Variants in ZNF208 observed in about 807,000 individuals in gnomAD.
The protein encoded by ZNF208 is zinc finger protein 95.
Under a neutral mutation model 12.1 loss-of-function variants are expected in ZNF208, and 10 were observed. The ratio of observed to expected loss-of-function variants is 0.83; its 90% CI spans 0.51 to 1.40. The LOEUF is 1.40. Among genes scored for constraint, ZNF208 ranks in the 40% most tolerant of loss-of-function variants. The pLI, the probability that ZNF208 is intolerant of heterozygous loss-of-function variation, is 0.00. For synonymous variants in ZNF208, 497 were observed against 488.4 expected, an observed-to-expected ratio of 1.02 and a Z score of -0.23; for missense variants, 1,652 against 1,485.0, an observed-to-expected ratio of 1.11 and a Z score of -1.85.
chr19:22,002,115 A>G (rs1010588154), intron 1 of ZNF208, among the ~76,000 whole-genome samples: 1 of 152,120 alleles, frequency 6.6e-6, no homozygotes, highest in African/African-American at 2.4e-5. Context: ...TTATCTCAAT[A>G]GATGCACAAA....
chr19:21,961,134 G>A (rs1970060529), downstream of ZNF208, among the ~76,000 whole-genome samples: 1 of 152,148 alleles, frequency 6.6e-6, no homozygotes, highest in African/African-American at 2.4e-5. Context: ...TTCAACATAG[G>A]TTCTTTCTAT....
In ZNF208 at chr19:21,973,034, C is replaced by T. The variant is rs1432855442; in HGVS notation, c.2000G>A (p.Cys667Tyr). ...ACTAAAGGCTTTGCCACATTCTTTA[C>T]ATTTGTAGGGCTTCTCTCCAGCATG... ...AIHAGEKPYK[C>Y]KECGKAFSKF... Residue 667 changes from cysteine (C) to tyrosine (Y), a missense_variant, in exon 4 of 4, where the codon TGT (cysteine) becomes TAT (tyrosine). Cys to Tyr is a radical substitution (Grantham distance 194, BLOSUM62 -2). Transcript: ENST00000397126. The T allele has an allele frequency of 6.2e-7, 1 of 1,613,386 alleles. No individual in the cohort carries two copies. The highest frequency in any genetic ancestry group is 1.3e-5 in the African/African-American group (1 of 74,848).
chr19:21,974,846 A>C (rs1224306057), intron 3 of ZNF208, 39 bp from the exon 4 acceptor site: 1 of 1,484,006 alleles, frequency 6.7e-7, no homozygotes, highest in East Asian at 2.4e-5. Context: ...CCTACTTATT[A>C]GACTCAGATA....
chr19:21,940,896 G>T, intron 4 of ZNF208: 1 of 154,694 alleles, frequency 6.5e-6, no homozygotes, highest in South Asian at 2.0e-4. Context: ...TGCTCTGGTT[G>T]ACCTCGGATT....
chr19:22,000,560 A>G (rs1427888092), intron 1 of ZNF208, among the ~76,000 whole-genome samples: 1 of 152,214 alleles, frequency 6.6e-6, no homozygotes, highest in Non-Finnish European at 1.5e-5. Flanking sequence ...ATCTAAAGCA[A>G]TGTTAAAAGA....
At chr19:22,004,557 C>T (rs1333403549) in intron 1 of ZNF208, among the ~76,000 whole-genome samples, 2 of 151,992 alleles carry the variant, frequency 1.3e-5, no homozygotes, top group East Asian at 3.9e-4. Context: ...ACCATGAATT[C>T]ATGAAATACT....
intron 4 of ZNF208, among the ~76,000 whole-genome samples, chr19:21,948,747 C>T (rs934382724): frequency 6.6e-6 from 1 of 151,680 alleles, no homozygotes; most frequent in Non-Finnish European, 1.5e-5. Flanking sequence ...TGCTTTTAAG[C>T]CAAACCCTAA....
downstream of ZNF208, among the ~76,000 whole-genome samples, chr19:21,963,449 A>T (rs1485502557): frequency 6.6e-6 from 1 of 152,048 alleles, no homozygotes; most frequent in African/African-American, 2.4e-5. Flanking sequence ...CCATGTTCCC[A>T]GTAATTACTC....
rs1187772056 is a variant in ZNF208 at position 21,969,248 on chromosome 19, G to A, written c.*1943C>T. 6.6e-6 allele frequency among the ~76,000 whole-genome samples: 1 copy of A among 151,128 alleles called. No homozygotes were observed. Among genetic ancestry groups the A allele is most frequent in the African/African-American group, 2.4e-5 (1 of 41,028 alleles). On this transcript the variant is annotated 3_prime_UTR_variant, in exon 4 of 4. Transcript: ENST00000397126. ...GATCTGCCCACCTTGGCATCACAAA[G>A]TATTGGCCACAGTAAGCCAATGTGT...
intron 3 of ZNF208, among the ~76,000 whole-genome samples, chr19:21,975,938 G>C (rs559606304): frequency 4.2e-4 from 61 of 143,592 alleles, no homozygotes; most frequent in Non-Finnish European, 7.6e-4. Flanking sequence ...AAATTCTTAA[G>C]AAGTATATTA....
At chr19:21,981,449 T>A (rs139105405) in intron 3 of ZNF208, among the ~76,000 whole-genome samples, 3 of 151,714 alleles carry the variant, frequency 2.0e-5, no homozygotes, top group African/African-American at 4.8e-5. Context: ...ACACAACCAA[T>A]GACAAAAACC....
At chr19:21,954,702 T>A (rs1180477688) in intron 4 of ZNF208, among the ~76,000 whole-genome samples, 3 of 152,188 alleles carry the variant, frequency 2.0e-5, no homozygotes, top group Non-Finnish European at 2.9e-5. Context: ...TTTTCCTCCA[T>A]CCCTTTATTT....
chr19:21,952,934 G>A (rs1969914862), intron 4 of ZNF208, among the ~76,000 whole-genome samples: 1 of 152,136 alleles, frequency 6.6e-6, no homozygotes, highest in Non-Finnish European at 1.5e-5. Context: ...AAGGTTAGAT[G>A]AATGGCTAAC....
intron 3 of ZNF208, among the ~76,000 whole-genome samples, chr19:21,975,682 CTGAA>C (rs1438940718): frequency 6.6e-6 from 1 of 151,548 alleles, no homozygotes; most frequent in Non-Finnish European, 1.5e-5. Context: ...ATTTTAAAAA[CTGAA>C]TAACACTCAA....
At chr19:21,962,581 T>C (rs1242765745), downstream of ZNF208, among the ~76,000 whole-genome samples, 7 of 152,122 alleles carry the variant, frequency 4.6e-5, no homozygotes, top group South Asian at 2.1e-4. Flanking sequence ...TTTCTTCAGC[T>C]AATTGATTAA....
At position 21,971,184 on chromosome 19, in the gene ZNF208, C is replaced by T; in HGVS notation, c.*7G>A. 3 of 1,612,020 alleles carry T rather than the reference C, an allele frequency of 1.9e-6. No individual in the cohort carries two copies. Among genetic ancestry groups the T allele is most frequent in the Non-Finnish European group, 2.5e-6 (3 of 1,179,530 alleles). On this transcript the variant is annotated 3_prime_UTR_variant, in exon 4 of 4. Transcript: ENST00000397126. ...CACTTATAGGCTTTGCCACATTCTTCACATTTCTAGAGTTTCTCTCCAGTA... is the reference window on the plus strand; with the variant it reads ...CACTTATAGGCTTTGCCACATTCTTTACATTTCTAGAGTTTCTCTCCAGTA...
In ZNF208 at chr19:21,972,186, A is replaced by G. The variant is rs534184312; in HGVS notation, c.2848T>C (p.Cys950Arg). ...AGEKFYKCEACGKAYKSSSTL... is the reference protein window; with the variant it reads ...AGEKFYKCEARGKAYKSSSTL... ...GAGGATGACTTATAGGCTTTGCCACATGCTTCACATTTGTAGAATTTCTCT... is the reference window on the plus strand; with the variant it reads ...GAGGATGACTTATAGGCTTTGCCACGTGCTTCACATTTGTAGAATTTCTCT... The change falls in exon 4 of 4, where the codon TGT becomes CGT. Residue 950 changes from cysteine (C) to arginine (R), a missense_variant. Physicochemically the swap from Cys to Arg is radical, Grantham distance 180. Transcript: ENST00000397126. The G allele has an allele frequency of 9.9e-6, 16 of 1,608,426 alleles. No individual in the cohort carries two copies. Among genetic ancestry groups the G allele is most frequent in the Non-Finnish European group, 1.4e-5 (16 of 1,176,794 alleles).
intron 4 of ZNF208, chr19:21,941,218 A>G (rs966874511): frequency 3.5e-5 from 14 of 397,878 alleles, no homozygotes; most frequent in East Asian, 1.8e-4. Flanking sequence ...GTGGAGCAGC[A>G]AAGCAAACAC....
At chr19:21,986,428 A>G (rs1970629546) in intron 3 of ZNF208, among the ~76,000 whole-genome samples, 2 of 152,220 alleles carry the variant, frequency 1.3e-5, no homozygotes, top group African/African-American at 4.8e-5. Flanking sequence ...TAAAATAATA[A>G]ATATCTGAGA....
Sources: allele counts gnomAD v4.1 joint callset (sites outside exome capture counted in the v4.1 genomes callset), GRCh38; gene constraint gnomAD v4.1.1; transcripts MANE v1.5; gene names NCBI Gene and HGNC (gene_info 2026-07-23, HGNC 2026-07-21).